The following MAP2K4 variants were observed in gnomAD, a reference collection of about 807,000 sequenced individuals.
MAP2K4 encodes mitogen-activated protein kinase kinase 4.
A neutral mutation model predicts 48.5 loss-of-function variants in MAP2K4; 4 were observed. That is an observed-to-expected ratio of 0.08 (90% CI 0.04 to 0.19). The LOEUF (loss-of-function observed/expected upper bound fraction) is 0.19, where lower values mean the gene tolerates loss of function less well. MAP2K4 is among the 10% of genes least tolerant of loss of function. The pLI, the probability that MAP2K4 is intolerant of heterozygous loss-of-function variation, is 1.00. For synonymous variants in MAP2K4, 166 were observed against 173.1 expected (o/e 0.96, Z 0.32); for missense variants, 258 against 493.3 (o/e 0.52, Z 4.52).
At chr17:12,136,012 A>G (rs1022406358) in intron 9 of MAP2K4, among the ~76,000 whole-genome samples, 4 of 152,208 alleles carry the variant, frequency 2.6e-5, no homozygotes, top group Non-Finnish European at 5.9e-5. Context: ...CTAAATTCAT[A>G]TTGAATATGG....
At chr17:12,121,766 A>G (rs1972701014) in intron 7 of MAP2K4, among the ~76,000 whole-genome samples, 1 of 152,184 alleles carries the variant, frequency 6.6e-6, no homozygotes, top group African/African-American at 2.4e-5. Flanking sequence ...ATTTTTAGAC[A>G]TGCATACTTC....
intron 1 of MAP2K4, among the ~76,000 whole-genome samples, chr17:12,034,502 T>G (rs1969533656): frequency 6.6e-6 from 1 of 152,226 alleles, no homozygotes; most frequent in Admixed American, 6.5e-5. Context: ...ATTGGAAGGC[T>G]CCTCTTTATT....
At chr17:12,028,407 A>G (rs1969327088) in intron 1 of MAP2K4, among the ~76,000 whole-genome samples, 2 of 152,234 alleles carry the variant, frequency 1.3e-5, no homozygotes, top group African/African-American at 4.8e-5. Flanking sequence ...ACATAAGGAA[A>G]TCTGAAAGAA....
intron 1 of MAP2K4, among the ~76,000 whole-genome samples, chr17:12,025,632 C>A (rs770397825): frequency 8.5e-5 from 13 of 152,124 alleles, no homozygotes; most frequent in Non-Finnish European, 1.8e-4. Context: ...AACTTTGTGA[C>A]CAGTCGAGTC....
intron 5 of MAP2K4, among the ~76,000 whole-genome samples, chr17:12,108,618 C>T (rs1972205556): frequency 6.6e-6 from 1 of 151,778 alleles, no homozygotes; most frequent in African/African-American, 2.4e-5. Flanking sequence ...TCATAAGATT[C>T]TTAGAAACTC....
chr17:12,134,831 C>T (rs1973152341), intron 9 of MAP2K4, among the ~76,000 whole-genome samples: 1 of 152,224 alleles, frequency 6.6e-6, no homozygotes, highest in Non-Finnish European at 1.5e-5. Flanking sequence ...GGTTACTTCA[C>T]ATTACTTTGG....
intron 1 of MAP2K4, among the ~76,000 whole-genome samples, chr17:12,046,678 A>G (rs1342098651): frequency 6.6e-6 from 1 of 152,178 alleles, no homozygotes; most frequent in Non-Finnish European, 1.5e-5. Flanking sequence ...GGGCTATTAT[A>G]ATCAATGGCA....
chr17:12,085,504 A>C (rs1322976971), intron 3 of MAP2K4, among the ~76,000 whole-genome samples: 1 of 151,934 alleles, frequency 6.6e-6, no homozygotes, highest in Admixed American at 6.6e-5. Flanking sequence ...CCTGGTATGC[A>C]AGAGTTTCAA....
At chr17:12,122,584 A>G (rs996329664) in intron 7 of MAP2K4, among the ~76,000 whole-genome samples, 109 of 152,292 alleles carry the variant, frequency 7.2e-4, no homozygotes, top group African/African-American at 2.6e-3. Context: ...TGTTAGTTTC[A>G]GTAGGAATTT....
chr17:12,028,808 C>CT (rs1969340304), intron 1 of MAP2K4, among the ~76,000 whole-genome samples: 6 of 152,160 alleles, frequency 3.9e-5, no homozygotes, highest in Admixed American at 3.9e-4. Flanking sequence ...CACACCCTCT[C>CT]TGATTTATAT....
chr17:12,131,906 C>G (rs1332839190), intron 9 of MAP2K4, among the ~76,000 whole-genome samples: 1 of 151,916 alleles, frequency 6.6e-6, no homozygotes, highest in Non-Finnish European at 1.5e-5. Context: ...AAATAACAAC[C>G]AAAAATAGCA....
chr17:12,125,413 A>G (rs1264605670), intron 8 of MAP2K4, 42 bp downstream of exon 8: 1 of 1,521,702 alleles, frequency 6.6e-7, no homozygotes, highest in Non-Finnish European at 9.1e-7. Flanking sequence ...TAGCGTAACA[A>G]TAAGAAATTT....
chr17:12,137,664 A>G (rs1454962093), intron 9 of MAP2K4, among the ~76,000 whole-genome samples: 4 of 152,160 alleles, frequency 2.6e-5, no homozygotes, highest in Non-Finnish European at 4.4e-5. Flanking sequence ...AAAGAAGGCA[A>G]CTCTGAAAGT....
At chr17:12,117,348 T>C (rs1972535014) in intron 7 of MAP2K4, among the ~76,000 whole-genome samples, 1 of 152,036 alleles carries the variant, frequency 6.6e-6, no homozygotes, top group Non-Finnish European at 1.5e-5. Context: ...CCTGACCTTA[T>C]GCGATGGGTC....
chr17:12,087,917 A>G (rs945383091), intron 3 of MAP2K4, among the ~76,000 whole-genome samples: 1 of 151,982 alleles, frequency 6.6e-6, no homozygotes, highest in African/African-American at 2.4e-5. Flanking sequence ...GTGAGATATC[A>G]TGGCCATTTT....
intron 2 of MAP2K4, among the ~76,000 whole-genome samples, chr17:12,057,390 G>T (rs1970312387): frequency 6.6e-6 from 1 of 152,142 alleles, no homozygotes. Flanking sequence ...TGGGAACCAT[G>T]TGTAGATCTG....
chr17:12,087,185 T>C (rs919398177), intron 3 of MAP2K4, among the ~76,000 whole-genome samples: 2 of 152,196 alleles, frequency 1.3e-5, no homozygotes, highest in African/African-American at 4.8e-5. Flanking sequence ...TGCGTGGGTG[T>C]CATTTGAACC....
At chr17:12,024,099 T>TG in intron 1 of MAP2K4, among the ~76,000 whole-genome samples, 1 of 152,352 alleles carries the variant, frequency 6.6e-6, no homozygotes, top group South Asian at 2.1e-4. Context: ...TTTTCATTAT[T>TG]GAGCAGTCCT....
intron 2 of MAP2K4, among the ~76,000 whole-genome samples, chr17:12,067,497 A>G (rs1030863814): frequency 3.3e-5 from 5 of 152,104 alleles, no homozygotes; most frequent in African/African-American, 9.7e-5. Context: ...TGGAGTGCAA[A>G]TTTGCTTCTT....
Sources: gnomAD v4.1 joint callset for allele counts (sites outside exome capture counted in the v4.1 genomes callset) on GRCh38, gnomAD v4.1.1 for gene constraint, MANE v1.5 for transcripts, NCBI Gene and HGNC (gene_info 2026-07-23, HGNC 2026-07-21) for gene names.